The following EDEM3 variants were observed in gnomAD, a reference collection of about 807,000 sequenced individuals.
EDEM3 encodes the protein ER degradation enhancing alpha-mannosidase like protein 3.
In EDEM3, 60 loss-of-function variants were observed where a neutral mutation model predicts 110.2. That is an observed-to-expected ratio of 0.54 (90% confidence interval 0.44 to 0.67). The LOEUF (loss-of-function observed/expected upper bound fraction) is 0.67, where lower values mean the gene tolerates loss of function less well. Ranked by LOEUF, EDEM3 falls within the 30% of genes least tolerant of loss-of-function variation. The probability of loss-of-function intolerance (pLI) is 0.00; values close to 1 mark genes in which losing one functional copy is unlikely to be tolerated. For missense variants in EDEM3, 996 were observed against 1,121.0 expected (o/e 0.89, Z 1.59); for synonymous variants, 352 against 382.9 (o/e 0.92, Z 0.94).
chr1:184,736,668 C>A (rs140137166), intron 4 of EDEM3, among the ~76,000 whole-genome samples: 1 of 152,048 alleles, frequency 6.6e-6, no homozygotes, highest in Admixed American at 6.6e-5. Flanking sequence ...TCTAATTTAA[C>A]AATTTTGATA....
intron 16 of EDEM3, 143 bp downstream of exon 16, chr1:184,710,251 C>T: frequency 1.0e-6 from 1 of 973,086 alleles, no homozygotes; most frequent in Non-Finnish European, 1.4e-6. Flanking sequence ...CAAGATACTT[C>T]CAAGTCCTAA....
rs1393878926 is a variant in EDEM3 at position 184,737,698 on chromosome 1, G to C, written c.218C>G (p.Pro73Arg). The C allele has an allele frequency of 6.2e-7, 1 of 1,613,548 alleles. No individual in the cohort carries two copies. Among genetic ancestry groups the C allele is most frequent in the Non-Finnish European group, 8.5e-7 (1 of 1,179,624 alleles). ...AYGNYMEHAYPADELMPLTCR... is the reference protein window; with the variant it reads ...AYGNYMEHAYRADELMPLTCR... ...GGTTAAAGGCATGAGTTCATCAGCA[G>C]GGTAAGCATGTTCCTGCAAGGAAAA... is the stretch of plus-strand genomic sequence containing the variant. Residue 73 changes from proline to arginine, a missense_variant, in exon 3 of 20, where the codon CCT becomes CGT. Physicochemically the swap from Pro to Arg is moderately radical, Grantham distance 103. Around this residue, in one of 5 missense-constraint regions of EDEM3, gnomAD observed 200 missense variants for 183.8 expected, o/e 1.09. Transcript: ENST00000318130.
rs1649083727 is a variant in EDEM3 at position 184,691,988 on chromosome 1, T to G, written c.*2075A>C. ...AATCCTTCATGCCATTAAGTTCTCC[T>G]TGTTGGAAAAGAAATTAGGTTGTTT... On this transcript the variant is annotated 3_prime_UTR_variant, in exon 20 of 20. Transcript: ENST00000318130. The G allele has an allele frequency of 6.6e-6, 1 of 152,124 alleles. No homozygotes were observed. The highest frequency in any genetic ancestry group is 1.5e-5 in the Non-Finnish European group (1 of 68,000). The allele number at this position is 152,124 out of a possible 1,614,324, so 9.4% of individuals were successfully genotyped here. A position where few individuals can be genotyped will look rare whatever the true frequency, so the allele number is the denominator to read the frequency against.
At chr1:184,730,817 G>C (rs1278736910) in intron 6 of EDEM3, among the ~76,000 whole-genome samples, 1 of 150,166 alleles carries the variant, frequency 6.7e-6, no homozygotes, top group Non-Finnish European at 1.5e-5. Flanking sequence ...TATTTGTAGA[G>C]AAGTTATGCC....
At chr1:184,736,909 C>G in intron 4 of EDEM3, 116 bp downstream of exon 4, 1 of 812,888 alleles carries the variant, frequency 1.2e-6, no homozygotes, top group Non-Finnish European at 2.0e-6. Context: ...AAGCAAAGAT[C>G]AGAACATCTT....
intron 18 of EDEM3, among the ~76,000 whole-genome samples, chr1:184,703,619 A>G (rs1649750903): frequency 6.6e-6 from 1 of 152,226 alleles, no homozygotes; most frequent in Non-Finnish European, 1.5e-5. Context: ...TAGTACCAGC[A>G]ACATGCTGTT....
intron 1 of EDEM3, among the ~76,000 whole-genome samples, chr1:184,751,816 C>T (rs780404326): frequency 2.6e-5 from 4 of 152,106 alleles, no homozygotes; most frequent in African/African-American, 9.7e-5. Flanking sequence ...TGCAATGGCA[C>T]GATCTCTGCT....
At chr1:184,726,528 G>A in intron 6 of EDEM3, 139 bp from the exon 7 acceptor site, 2 of 928,738 alleles carry the variant, frequency 2.2e-6, no homozygotes, top group Non-Finnish European at 1.6e-6. Flanking sequence ...TCAATCTGAT[G>A]ATCTCTGACT....
In EDEM3 at chr1:184,693,961, T is replaced by G. The variant is rs1649196628; in HGVS notation, c.*102A>C. The G allele has an allele frequency of 7.9e-7, 1 of 1,267,820 alleles. No homozygotes were observed. The highest frequency in any genetic ancestry group is 1.1e-6 in the Non-Finnish European group (1 of 919,664). 78.5% of individuals were successfully genotyped at this position (1,267,820 alleles called of 1,614,324 possible). On this transcript the variant is annotated 3_prime_UTR_variant, in exon 20 of 20. Coordinates refer to ENST00000318130, the MANE Select transcript of EDEM3 (RefSeq NM_025191.4). ...GAACGTGGTTGTTCATCACCATACT[T>G]AAAGCCTCCCATTAGAAAGCCTGCT...
At chr1:184,700,418 T>C (rs1649552795) in intron 19 of EDEM3, among the ~76,000 whole-genome samples, 1 of 152,018 alleles carries the variant, frequency 6.6e-6, no homozygotes, top group South Asian at 2.1e-4. Flanking sequence ...TGTTACTTAG[T>C]GTACTTATAT....
chr1:184,753,201 ATTTT>A (rs551510707), intron 1 of EDEM3, among the ~76,000 whole-genome samples: 44 of 148,196 alleles, frequency 3.0e-4, no homozygotes, highest in African/African-American at 9.2e-4. Flanking sequence ...CTGAGCTCAG[ATTTT>A]TTTTTTCTTT....
chr1:184,742,080 T>C (rs992515845), intron 2 of EDEM3, among the ~76,000 whole-genome samples: 6 of 152,082 alleles, frequency 3.9e-5, no homozygotes, highest in African/African-American at 1.4e-4. Context: ...TTATTTAGAT[T>C]CCAAACTCAT....
chr1:184,707,640 G>C (rs1650003869), intron 17 of EDEM3, among the ~76,000 whole-genome samples: 1 of 152,206 alleles, frequency 6.6e-6, no homozygotes, highest in Admixed American at 6.5e-5. Context: ...AGATAACTTT[G>C]TGAATTGCTT....
At chr1:184,730,739 A>G (rs995512622) in intron 6 of EDEM3, among the ~76,000 whole-genome samples, 1 of 152,226 alleles carries the variant, frequency 6.6e-6, no homozygotes, top group African/African-American at 2.4e-5. Context: ...ATTGCCCTAT[A>G]TCATGCTATA....
At chr1:184,750,668 A>G (rs1652712220) in intron 1 of EDEM3, among the ~76,000 whole-genome samples, 1 of 151,970 alleles carries the variant, frequency 6.6e-6, no homozygotes, top group African/African-American at 2.4e-5. Flanking sequence ...GTCTGCCACC[A>G]TGCCTGGCTA....
chr1:184,740,043 C>T lies in EDEM3; in HGVS notation c.205-2332G>A, dbSNP rs142727602. Among the ~76,000 whole-genome samples the T allele has an allele frequency of 6.8e-3, 1,032 of 152,232 alleles. 18 individuals are homozygous for T. The highest frequency in any genetic ancestry group is 0.024 in the African/African-American group (992 of 41,542). ...TTGCTTTTGTGAAACTGGACTAGAA[C>T]ATTTCTACCTACTTGCCACGGGTCT... On this transcript the variant is annotated intron_variant, in intron 2 of 19. Coordinates refer to ENST00000318130, the MANE Select transcript of EDEM3 (RefSeq NM_025191.4).
intron 19 of EDEM3, among the ~76,000 whole-genome samples, chr1:184,699,083 G>T (rs1434939291): frequency 6.6e-6 from 1 of 151,732 alleles, no homozygotes; most frequent in Non-Finnish European, 1.5e-5. Flanking sequence ...AAAGAATGGA[G>T]AAAATCTCAA....
At chr1:184,753,229 T>A (rs1343565325) in intron 1 of EDEM3, among the ~76,000 whole-genome samples, 1 of 151,898 alleles carries the variant, frequency 6.6e-6, no homozygotes, top group Non-Finnish European at 1.5e-5. Flanking sequence ...AAAAAAAACA[T>A]GGGATGATAC....
intron 4 of EDEM3, 130 bp from the exon 5 acceptor site, chr1:184,734,773 G>A (rs1651730948): frequency 3.1e-6 from 1 of 326,740 alleles, no homozygotes; most frequent in Non-Finnish European, 5.7e-6. Context: ...ATATTTCTAA[G>A]TATATTATAA....
Sources: gnomAD v4.1 joint callset for allele counts (sites outside exome capture counted in the v4.1 genomes callset) on GRCh38, gnomAD v4.1.1 for gene constraint, gnomAD v4.1.1 regional missense constraint, MANE v1.5 for transcripts, NCBI Gene and HGNC (gene_info 2026-07-23, HGNC 2026-07-21) for gene names.